Variants in ENTPD6 observed in about 807,000 individuals in gnomAD.
ENTPD6 encodes the protein CD39 antigen-like 2.
Under a neutral mutation model 61.5 loss-of-function variants are expected in ENTPD6, and 46 were observed. The observed-to-expected ratio is 0.75, with a 90% confidence interval of 0.59 to 0.96. The LOEUF is 0.96. Ranked by LOEUF, ENTPD6 falls within the 40% of genes least tolerant of loss-of-function variation. ENTPD6 has a pLI of 0.00. For synonymous variants in ENTPD6, 252 were observed against 255.5 expected (o/e 0.99, Z 0.13); for missense variants, 612 against 629.0 (o/e 0.97, Z 0.29).
chr20:25,221,278 C>T lies in ENTPD6; in HGVS notation c.990C>T (p.Phe330=). Residue 330 remains phenylalanine, a synonymous_variant, in exon 11 of 15, where the codon TTC becomes TTT. Transcript: ENST00000376652. ...ELVSPCLSPS[F]KGEWEHAEVT... is the part of the protein sequence containing the mutation. Reference sequence around the variant, plus strand: ...TCAGCCCTTGCTTGTCTCCCAGTTTCAAAGGAGAGTGGGAACACGCAGAAG... The same window carrying T: ...TCAGCCCTTGCTTGTCTCCCAGTTTTAAAGGAGAGTGGGAACACGCAGAAG... 6.2e-7 allele frequency: 1 copy of T among 1,614,176 alleles called. No individual in the cohort carries two copies.
At chr20:25,224,009 C>G in intron 12 of ENTPD6, 92 bp from the exon 13 acceptor site, 1 of 1,256,586 alleles carries the variant, frequency 8.0e-7, no homozygotes, top group Non-Finnish European at 1.1e-6. Context: ...CCTTGGGGCT[C>G]TTGGGCTGGC....
intron 9 of ENTPD6, 121 bp from the exon 10 acceptor site, chr20:25,218,429 A>G (rs2092460659): frequency 1.2e-6 from 1 of 821,908 alleles, no homozygotes; most frequent in Non-Finnish European, 2.0e-6. Context: ...GGAGCAGAGA[A>G]GCTCACTAAC....
chr20:25,221,702 G>C, intron 11 of ENTPD6: 1 of 354,596 alleles, frequency 2.8e-6, no homozygotes, highest in South Asian at 2.3e-5. Flanking sequence ...GGGAGGGTCT[G>C]CTTCCACCCA....
At position 25,216,685 on chromosome 20, in the gene ENTPD6, G is replaced by A; in HGVS notation, c.747G>A (p.Met249Ile). Residue 249 changes from methionine to isoleucine, a missense_variant, in exon 8 of 15, where the codon ATG becomes ATA. Transcript: ENST00000376652. ...CTCCAGGAGGGAGCAGCGTGGGCAT[G>A]CTGGACTTGGGCGGAGGATCCACTC... is the stretch of plus-strand genomic sequence containing the variant. The part of the protein sequence containing the change: ...LKTPGGSSVG[M>I]LDLGGGSTQI... 6.2e-7 allele frequency: 1 copy of A among 1,608,100 alleles called. No individual in the cohort carries two copies. Among genetic ancestry groups the A allele is most frequent in the Non-Finnish European group, 8.5e-7 (1 of 1,177,760 alleles).
chr20:25,227,277 C>T lies in ENTPD6; in HGVS notation c.*1680C>T, dbSNP rs1285688710. ...AAAAGAGGAACAGTTTCCTCCCTCC[C>T]GCCTGGGCTGGGTCCCCACCAGCGC... is the stretch of plus-strand genomic sequence containing the variant. On this transcript the variant is annotated 3_prime_UTR_variant, in exon 15 of 15. Transcript: ENST00000376652. 6.6e-6 allele frequency among the ~76,000 whole-genome samples: 1 copy of T among 152,238 alleles called. No individual in the cohort carries two copies. Among genetic ancestry groups the T allele is most frequent in the Non-Finnish European group, 1.5e-5 (1 of 68,044 alleles).
intron 7 of ENTPD6, among the ~76,000 whole-genome samples, chr20:25,216,405 C>T (rs73099831): frequency 0.031 from 4,713 of 152,258 alleles, 119 homozygotes; most frequent in Non-Finnish European, 0.046. Flanking sequence ...GCTGATACGG[C>T]AGTTTCAGTA....
At chr20:25,198,458 G>C (rs2090720246) in intron 1 of ENTPD6, among the ~76,000 whole-genome samples, 1 of 151,900 alleles carries the variant, frequency 6.6e-6, no homozygotes, top group East Asian at 1.9e-4. Context: ...CTAGGTGATA[G>C]GTGAGAGAGT....
intron 1 of ENTPD6, among the ~76,000 whole-genome samples, chr20:25,199,043 T>C (rs2090797233): frequency 6.6e-6 from 1 of 152,132 alleles, no homozygotes; most frequent in Non-Finnish European, 1.5e-5. Flanking sequence ...TCCCCCTCAG[T>C]ACACTGCTGA....
intron 1 of ENTPD6, among the ~76,000 whole-genome samples, chr20:25,206,212 G>A (rs938169118): frequency 1.5e-4 from 23 of 152,128 alleles, no homozygotes; most frequent in Non-Finnish European, 3.1e-4. Flanking sequence ...CTTCCAGCCC[G>A]GCATCCTCCT....
chr20:25,200,665 T>C (rs2122491598), intron 1 of ENTPD6, among the ~76,000 whole-genome samples: 1 of 152,366 alleles, frequency 6.6e-6, no homozygotes, highest in Admixed American at 6.5e-5. Flanking sequence ...TTACAGCTAT[T>C]TGAGTCTTCT....
chr20:25,213,306 A>G lies in ENTPD6; in HGVS notation c.497A>G (p.Asp166Gly). ...GAACTACTGGATGTTGCTAAACAGGACATTCCGTTCGACTTCTGGAAGGCC... is the reference window on the plus strand; with the variant it reads ...GAACTACTGGATGTTGCTAAACAGGGCATTCCGTTCGACTTCTGGAAGGCC... ...IRELLDVAKQ[D>G]IPFDFWKATP... The change falls in exon 5 of 15, where the codon GAC becomes GGC. Residue 166 changes from aspartate (D) to glycine (G), a missense_variant. Coordinates refer to ENST00000376652, the MANE Select transcript of ENTPD6 (RefSeq NM_001247.5). The G allele has an allele frequency of 6.2e-7, 1 of 1,614,252 alleles. No individual in the cohort carries two copies. Among genetic ancestry groups the G allele is most frequent in the Non-Finnish European group, 8.5e-7 (1 of 1,180,048 alleles).
intron 10 of ENTPD6, among the ~76,000 whole-genome samples, chr20:25,219,744 C>T (rs2092546482): frequency 6.6e-6 from 1 of 152,120 alleles, no homozygotes; most frequent in Non-Finnish European, 1.5e-5. Flanking sequence ...CCCCAGCGCC[C>T]CATTGGCCCA....
In ENTPD6 at chr20:25,195,763, C is replaced by A; in HGVS notation, c.-120C>A. On this transcript the variant is annotated 5_prime_UTR_variant, in exon 1 of 15. Transcript: ENST00000376652. ...GGGGTCGTATCCCGCGGGTGGAGGCCGGGGTGGCGCCGGCCGGGGCGGGGG... is the reference window on the plus strand; with the variant it reads ...GGGGTCGTATCCCGCGGGTGGAGGCAGGGGTGGCGCCGGCCGGGGCGGGGG... 1 of 995,102 alleles carries A rather than the reference C, an allele frequency of 1.0e-6. No individual in the cohort carries two copies. Among genetic ancestry groups the A allele is most frequent in the Non-Finnish European group, 1.3e-6 (1 of 764,788 alleles). The allele number at this position is 995,102 out of a possible 1,614,324, so 61.6% of individuals were successfully genotyped here.
chr20:25,199,400 T>A (rs1348811426), intron 1 of ENTPD6, among the ~76,000 whole-genome samples: 1 of 152,172 alleles, frequency 6.6e-6, no homozygotes, highest in African/African-American at 2.4e-5. Context: ...TTTATCCCCA[T>A]CCCTCACCCC....
Position 25,207,404 on chromosome 20 carries a change from G to A in ENTPD6, c.376+7G>A, listed in dbSNP as rs753301056. The A allele has an allele frequency of 9.2e-6, 14 of 1,518,850 alleles. No homozygotes were observed. Among genetic ancestry groups the A allele is most frequent in the East Asian group, 2.3e-5 (1 of 43,752 alleles). 94.1% of individuals were successfully genotyped at this position (1,518,850 alleles called of 1,614,324 possible). On this transcript the variant is annotated splice_region_variant and intron_variant, in intron 3 of 14. Coordinates refer to ENST00000376652, the MANE Select transcript of ENTPD6 (RefSeq NM_001247.5). Reference sequence around the variant, plus strand: ...TTCACCCGGCCCCCCAGAGGTACCCGCCTCTCATGGCAGGGCTCTCGGGAT... The same window carrying A: ...TTCACCCGGCCCCCCAGAGGTACCCACCTCTCATGGCAGGGCTCTCGGGAT...
At chr20:25,210,230 T>G (rs561738157) in intron 4 of ENTPD6, among the ~76,000 whole-genome samples, 6 of 152,390 alleles carry the variant, frequency 3.9e-5, no homozygotes, top group Admixed American at 2.0e-4. Context: ...ACAAAAATCA[T>G]TATTTGATAG....
chr20:25,206,632 T>C, intron 2 of ENTPD6, 42 bp downstream of exon 2: 4 of 1,463,640 alleles, frequency 2.7e-6, no homozygotes, highest in Non-Finnish European at 9.6e-7. Context: ...GGACGGAGTT[T>C]AAACCTTTCG....
rs1200934333 is a variant in ENTPD6 at position 25,225,706 on chromosome 20, C to T, written c.*109C>T. On this transcript the variant is annotated 3_prime_UTR_variant, in exon 15 of 15. Transcript: ENST00000376652. Reference sequence around the variant, plus strand: ...AGCCACAGCACAGGCCGTGCTGGCACTTTCTGCACACTGGCTCTGGGACTT... The same window carrying T: ...AGCCACAGCACAGGCCGTGCTGGCATTTTCTGCACACTGGCTCTGGGACTT... 8.0e-6 allele frequency: 7 copies of T among 869,786 alleles called. No homozygotes were observed. The highest frequency in any genetic ancestry group is 1.7e-5 in the African/African-American group (1 of 59,368). 53.9% of individuals were successfully genotyped at this position (869,786 alleles called of 1,614,324 possible).
chr20:25,212,907 C>G (rs1220994382), intron 4 of ENTPD6, among the ~76,000 whole-genome samples: 1 of 152,218 alleles, frequency 6.6e-6, no homozygotes, highest in Non-Finnish European at 1.5e-5. Flanking sequence ...TGGTTTCACC[C>G]TGTTAGCCAA....
Sources: gnomAD v4.1 joint callset for allele counts (sites outside exome capture counted in the v4.1 genomes callset) on GRCh38, gnomAD v4.1.1 for gene constraint, MANE v1.5 for transcripts, NCBI Gene and HGNC (gene_info 2026-07-23, HGNC 2026-07-21) for gene names.